BECN1: variants seen among roughly 807,000 people sequenced by gnomAD.
The protein encoded by BECN1 is beclin-1.
BECN1 carries 15 observed loss-of-function variants against 60.1 expected under a neutral mutation model. That is an observed-to-expected ratio of 0.25 (90% CI 0.17 to 0.38). The LOEUF is 0.38. Among genes scored for constraint, BECN1 ranks in the 10% least tolerant of loss-of-function variants. The probability of loss-of-function intolerance (pLI) is 1.00; values close to 1 mark genes in which losing one functional copy is unlikely to be tolerated. For synonymous variants in BECN1, 179 were observed against 201.8 expected (o/e 0.89, Z 0.96); for missense variants, 424 against 548.2 (o/e 0.77, Z 2.26).
Position 42,818,776 on chromosome 17 carries a change from G to A in BECN1, c.351+11C>T, listed in dbSNP as rs755440689. ...GGCCTACTGCTTGCCACCGGAATGG[G>A]GCCGACTTGCCTTCAGTCTTCGGCT... On this transcript the variant is annotated intron_variant, in intron 5 of 11. Transcript: ENST00000590099. 19 of 1,613,904 alleles carry A rather than the reference G, an allele frequency of 1.2e-5. No homozygotes were observed. The highest frequency in any genetic ancestry group is 4.0e-5 in the African/African-American group (3 of 74,868).
At chr17:42,815,256 A>G (rs1159340083) in intron 8 of BECN1, among the ~76,000 whole-genome samples, 1 of 151,178 alleles carries the variant, frequency 6.6e-6, no homozygotes, top group Non-Finnish European at 1.5e-5. Context: ...TTCAGTCACA[A>G]TAAGCTCCTT....
intron 7 of BECN1, among the ~76,000 whole-genome samples, chr17:42,817,715 T>A (rs570219322): frequency 3.9e-5 from 6 of 152,298 alleles, no homozygotes; most frequent in Admixed American, 3.9e-4. Context: ...AATTTTTTTT[T>A]AATTTTCATT....
rs142685190 is a variant in BECN1 at position 42,810,577 on chromosome 17, T to C, written c.*183A>G. ...CCAGGGCTGGCAACTATAGATGGCA[T>C]GTTGTAGCTCTGGAAAGTATCTGTC... is the stretch of plus-strand genomic sequence containing the variant. On this transcript the variant is annotated 3_prime_UTR_variant, in exon 12 of 12. Coordinates refer to ENST00000590099, the MANE Select transcript of BECN1 (RefSeq NM_001313998.2). The C allele has an allele frequency of 1.3e-4, 74 of 549,382 alleles. No homozygotes were observed. Among genetic ancestry groups the C allele is most frequent in the African/African-American group, 1.2e-3 (63 of 51,342 alleles). The allele number at this position is 549,382 out of a possible 1,614,324, so 34.0% of individuals were successfully genotyped here.
chr17:42,811,900 C>G (rs1381986520), intron 10 of BECN1, 103 bp from the exon 11 acceptor site: 18 of 1,390,326 alleles, frequency 1.3e-5, no homozygotes, highest in Non-Finnish European at 3.9e-6. Context: ...TGTCTGTATC[C>G]CACTGGAAAC....
chr17:42,823,300 G>A (rs2055309717), intron 2 of BECN1, among the ~76,000 whole-genome samples: 1 of 152,110 alleles, frequency 6.6e-6, no homozygotes, highest in African/African-American at 2.4e-5. Flanking sequence ...TGTTGCCCAG[G>A]CTGGAGTGCA....
chr17:42,810,922 A>G lies in BECN1; in HGVS notation c.1191T>C (p.Asp397=), dbSNP rs2054985642. The change falls in exon 12 of 12, where the codon GAT becomes GAC. Residue 397 remains aspartate, a synonymous_variant. Transcript: ENST00000590099. The stretch of plus-strand genomic sequence containing the variant: ...TGTCTTCAATCTTGCCTTTCTCCAC[A>G]TCCATCCTGCAGATGGACAGAGCAA... ...ETRFCLPYRM[D]VEKGKIEDTG... The G allele has an allele frequency of 4.4e-6, 7 of 1,608,066 alleles. No homozygotes were observed. The highest frequency in any genetic ancestry group is 5.9e-6 in the Non-Finnish European group (7 of 1,177,390).
chr17:42,811,189 C>T, intron 11 of BECN1: 1 of 367,752 alleles, frequency 2.7e-6, no homozygotes, highest in Non-Finnish European at 4.8e-6. Context: ...GTGAGGGTTA[C>T]AGTACTTCTT....
chr17:42,816,188 C>T lies in BECN1; in HGVS notation c.684-134G>A, dbSNP rs571273292. On this transcript the variant is annotated intron_variant, in intron 7 of 11. Transcript: ENST00000590099. ...GCATCTTTTATATTTGGCATAGATCCCATTCTGAGGAACATGTATGTCCTA... is the reference window on the plus strand; with the variant it reads ...GCATCTTTTATATTTGGCATAGATCTCATTCTGAGGAACATGTATGTCCTA... 5 of 965,476 alleles carry T rather than the reference C, an allele frequency of 5.2e-6. No homozygotes were observed. In the East Asian group the frequency reaches 1.4e-4, roughly 26 times the overall value. The allele number at this position is 965,476 out of a possible 1,614,324, so 59.8% of individuals were successfully genotyped here. A position where few individuals can be genotyped will look rare whatever the true frequency, so the allele number is the denominator to read the frequency against.
At chr17:42,814,108 G>A in intron 9 of BECN1, 100 bp from the exon 10 acceptor site, 1 of 808,664 alleles carries the variant, frequency 1.2e-6, no homozygotes, top group Non-Finnish European at 1.9e-6. Context: ...CTGGCCAAGG[G>A]CTTCTTTTAT....
chr17:42,824,157 C>G lies in BECN1; in HGVS notation c.-5G>C. On this transcript the variant is annotated splice_region_variant and 5_prime_UTR_variant, in exon 1 of 12. Transcript: ENST00000590099. ...CCTCAGCCCCCGATGCTCTTCACCT[C>G]GGGAGCCCGGAGCCCGTCACCCAAG... The G allele has an allele frequency of 2.3e-6, 1 of 436,170 alleles. No homozygotes were observed. The highest frequency in any genetic ancestry group is 4.1e-6 in the Non-Finnish European group (1 of 246,052). 27.0% of individuals were successfully genotyped at this position (436,170 alleles called of 1,614,324 possible).
At chr17:42,815,631 A>C in intron 8 of BECN1, 1 of 471,838 alleles carries the variant, frequency 2.1e-6, no homozygotes, top group African/African-American at 2.0e-5. Flanking sequence ...ATGGAACATC[A>C]AACACCGTGG....
At chr17:42,822,826 C>T (rs1358591341) in intron 2 of BECN1, among the ~76,000 whole-genome samples, 1 of 152,016 alleles carries the variant, frequency 6.6e-6, no homozygotes, top group African/African-American at 2.4e-5. Flanking sequence ...CCTCAGCCTC[C>T]ACCACCCACC....
intron 10 of BECN1, 57 bp from the exon 11 acceptor site, chr17:42,811,854 T>C (rs2055016020): frequency 1.2e-5 from 19 of 1,576,856 alleles, no homozygotes; most frequent in Non-Finnish European, 1.5e-5. Context: ...CTTCCAGAGA[T>C]TGTTCCCAAT....
Position 42,824,231 on chromosome 17 carries a change from G to C in BECN1, c.-79C>G, listed in dbSNP as rs899136329. 1 of 407,534 alleles carries C rather than the reference G, an allele frequency of 2.5e-6. No homozygotes were observed. Among genetic ancestry groups the C allele is most frequent in the African/African-American group, 2.0e-5 (1 of 48,802 alleles). 25.2% of individuals were successfully genotyped at this position (407,534 alleles called of 1,614,324 possible). On this transcript the variant is annotated 5_prime_UTR_variant, in exon 1 of 12. Transcript: ENST00000590099. ...TGGCCTCGGGTCGGCCCCGGAGCGA[G>C]GCCTCCAGAACTACCATCGCTCTGT...
Position 42,823,829 on chromosome 17 carries a change from C to T in BECN1, c.49G>A (p.Val17Met), listed in dbSNP as rs1025554370. Residue 17 changes from valine to methionine, a missense_variant, in exon 2 of 12, where the codon GTG (valine) becomes ATG (methionine). Coordinates refer to ENST00000590099, the MANE Select transcript of BECN1 (RefSeq NM_001313998.2). Reference sequence around the variant, plus strand: ...AGGGGCTGGCTGCAGCGCTGGCACACGAAGCTCACCTGCATGGTGCTGTTG... The same window carrying T: ...AGGGGCTGGCTGCAGCGCTGGCACATGAAGCTCACCTGCATGGTGCTGTTG... ...SNNSTMQVSFVCQRCSQPLKL... is the reference protein window; with the variant it reads ...SNNSTMQVSFMCQRCSQPLKL... The T allele has an allele frequency of 4.3e-6, 7 of 1,614,096 alleles. No individual in the cohort carries two copies. The highest frequency in any genetic ancestry group is 5.1e-6 in the Non-Finnish European group (6 of 1,179,998).
intron 9 of BECN1, 96 bp from the exon 10 acceptor site, chr17:42,814,104 A>G: frequency 1.2e-6 from 1 of 841,306 alleles, no homozygotes; most frequent in South Asian, 1.9e-5. Flanking sequence ...CATTCTGGCC[A>G]AGGGCTTCTT....
intron 1 of BECN1, 57 bp from the exon 2 acceptor site, chr17:42,823,936 C>G (rs780973261): frequency 6.9e-6 from 11 of 1,584,762 alleles, no homozygotes; most frequent in Non-Finnish European, 9.5e-6. Flanking sequence ...GACCTCCGGC[C>G]CGGGGTTACC....
chr17:42,814,944 A>G (rs2055115107), intron 8 of BECN1: 2 of 461,316 alleles, frequency 4.3e-6, no homozygotes, highest in South Asian at 2.5e-5. Context: ...TACCTGCTAA[A>G]TATCTTGGAT....
intron 2 of BECN1, among the ~76,000 whole-genome samples, chr17:42,822,881 A>G (rs1360534203): frequency 6.6e-6 from 1 of 150,452 alleles, no homozygotes; most frequent in African/African-American, 2.4e-5. Context: ...GATCTCTGCT[A>G]GGTTGCTCAG....
Sources: gnomAD v4.1 joint callset for allele counts (sites outside exome capture counted in the v4.1 genomes callset) on GRCh38, gnomAD v4.1.1 for gene constraint, MANE v1.5 for transcripts, NCBI Gene and HGNC (gene_info 2026-07-23, HGNC 2026-07-21) for gene names.